Variants in PDE3B observed in about 807,000 individuals in gnomAD.
PDE3B encodes the protein cGMP-inhibited 3',5'-cyclic phosphodiesterase 3B.
In PDE3B, 66 loss-of-function variants were observed where a neutral mutation model predicts 116.8. The observed-to-expected ratio is 0.56, with a 90% CI of 0.46 to 0.69. The LOEUF (loss-of-function observed/expected upper bound fraction) is 0.69, where lower values mean the gene tolerates loss of function less well. Among genes scored for constraint, PDE3B ranks in the 30% least tolerant of loss-of-function variants. PDE3B has a pLI of 0.00. For synonymous variants in PDE3B, 595 were observed against 533.6 expected (o/e 1.12, Z -1.59); for missense variants, 1,384 against 1,368.1 (o/e 1.01, Z -0.18).
intron 14 of PDE3B, among the ~76,000 whole-genome samples, chr11:14,867,064 TAAAA>T (rs76676439): frequency 7.3e-6 from 1 of 137,058 alleles, no homozygotes. Context: ...GTTCTGCTGT[TAAAA>T]AAAAAAAAAA....
chr11:14,664,787 C>G (rs1275481118), intron 1 of PDE3B, among the ~76,000 whole-genome samples: 1 of 152,114 alleles, frequency 6.6e-6, no homozygotes, highest in Non-Finnish European at 1.5e-5. Context: ...AGCTTACCAA[C>G]CAAAAAGAGT....
rs577871757 is a variant in PDE3B, at chr11:14,652,199, G to A, written c.978+7146G>A. Among the ~76,000 whole-genome samples the A allele has an allele frequency of 2.0e-4, 31 of 152,066 alleles. No individual in the cohort carries two copies. The South Asian group carries it at 6.2e-3, about 30-fold the overall frequency. ...GTCCAACTTTATTCTTTTGCCTGTG[G>A]ATGTTACATTTTTCTAAGACCATTT... On this transcript the variant is annotated intron_variant, in intron 1 of 15. Transcript: ENST00000282096.
intron 11 of PDE3B, among the ~76,000 whole-genome samples, chr11:14,836,617 C>T (rs1860064127): frequency 6.6e-6 from 1 of 152,152 alleles, no homozygotes; most frequent in African/African-American, 2.4e-5. Context: ...TAATAAGTTA[C>T]CAGAAATTTA....
intron 1 of PDE3B, among the ~76,000 whole-genome samples, chr11:14,692,094 C>T (rs1590065818): frequency 6.6e-6 from 1 of 151,900 alleles, no homozygotes; most frequent in East Asian, 1.9e-4. Flanking sequence ...ATGCTGAGAC[C>T]CCCATCTCTA....
chr11:14,753,323 G>A (rs1048743474), intron 1 of PDE3B, among the ~76,000 whole-genome samples: 1 of 152,122 alleles, frequency 6.6e-6, no homozygotes, highest in Non-Finnish European at 1.5e-5. Flanking sequence ...TAATAAAAGA[G>A]ATGGAGATGT....
chr11:14,705,825 T>A (rs1349253598), intron 1 of PDE3B, among the ~76,000 whole-genome samples: 2 of 151,938 alleles, frequency 1.3e-5, no homozygotes, highest in East Asian at 1.9e-4. Flanking sequence ...TTTAATTGAA[T>A]ATTGATATAG....
chr11:14,739,450 C>T (rs557836865), intron 1 of PDE3B, among the ~76,000 whole-genome samples: 1 of 152,210 alleles, frequency 6.6e-6, no homozygotes, highest in African/African-American at 2.4e-5. Context: ...TGCACACTGA[C>T]TTTGTATCCT....
intron 1 of PDE3B, among the ~76,000 whole-genome samples, chr11:14,677,047 G>A (rs541656193): frequency 9.1e-4 from 138 of 152,168 alleles, no homozygotes; most frequent in African/African-American, 3.2e-3. Flanking sequence ...GCACTGTTTT[G>A]TTGAAAAGAC....
chr11:14,766,318 GT>G (rs113445874), intron 1 of PDE3B, among the ~76,000 whole-genome samples: 4 of 151,416 alleles, frequency 2.6e-5, no homozygotes, highest in African/African-American at 9.7e-5. Context: ...GTCAGCAGGG[GT>G]TTTTTGGCTG....
At chr11:14,873,754 C>G (rs1408486127), downstream of PDE3B, among the ~76,000 whole-genome samples, 1 of 152,200 alleles carries the variant, frequency 6.6e-6, no homozygotes, top group African/African-American at 2.4e-5. Context: ...GAGTATCAAG[C>G]TTTCCTTTTC....
chr11:14,734,780 TCTC>T (rs1160610885), intron 1 of PDE3B, among the ~76,000 whole-genome samples: 2 of 152,156 alleles, frequency 1.3e-5, no homozygotes, highest in African/African-American at 4.8e-5. Context: ...TTTTGCTATA[TCTC>T]CTCTTTTTTT....
chr11:14,705,385 C>A (rs984183755), intron 1 of PDE3B, among the ~76,000 whole-genome samples: 2 of 151,678 alleles, frequency 1.3e-5, no homozygotes, highest in African/African-American at 2.4e-5. Context: ...ATGGAGGAAG[C>A]CACATACAAT....
At chr11:14,741,763 A>G (rs1460236369) in intron 1 of PDE3B, among the ~76,000 whole-genome samples, 3 of 151,790 alleles carry the variant, frequency 2.0e-5, no homozygotes, top group African/African-American at 2.4e-5. Flanking sequence ...TTCCTTTAGG[A>G]GCTCTTGTAA....
At position 14,644,775 on chromosome 11, in the gene PDE3B, T is replaced by G. The variant is rs575736423; in HGVS notation, c.700T>G (p.Phe234Val). Reference sequence around the variant, plus strand: ...GGCCAGCTTCGTCTGGTGGGTCTCCTTCACCAGCCTCGGGTCGCTGCCCTC... The same window carrying G: ...GGCCAGCTTCGTCTGGTGGGTCTCCGTCACCAGCCTCGGGTCGCTGCCCTC... ...LLASFVWWVSFTSLGSLPSAL... is the reference protein window; with the variant it reads ...LLASFVWWVSVTSLGSLPSAL... The change falls in exon 1 of 16, where the codon TTC becomes GTC. Residue 234 changes from phenylalanine to valine, a missense_variant. Physicochemically the swap from Phe to Val is conservative, Grantham distance 50. Coordinates refer to ENST00000282096, the MANE Select transcript of PDE3B (RefSeq NM_000922.4). 2 of 1,607,148 alleles carry G rather than the reference T, an allele frequency of 1.2e-6. No homozygotes were observed. Among genetic ancestry groups the G allele is most frequent in the South Asian group, 2.2e-5 (2 of 90,284 alleles).
intron 4 of PDE3B, among the ~76,000 whole-genome samples, chr11:14,793,790 C>A (rs1394059238): frequency 6.6e-6 from 1 of 152,162 alleles, no homozygotes; most frequent in Non-Finnish European, 1.5e-5. Context: ...GTAATGAAAT[C>A]TAATAACTCG....
intron 5 of PDE3B, among the ~76,000 whole-genome samples, chr11:14,817,926 C>T (rs1266894314): frequency 6.6e-6 from 1 of 152,136 alleles, no homozygotes; most frequent in Non-Finnish European, 1.5e-5. Context: ...ATACTGTTCA[C>T]ATTTACCTAT....
intron 10 of PDE3B, among the ~76,000 whole-genome samples, chr11:14,833,461 A>G (rs1219562377): frequency 6.6e-6 from 1 of 152,184 alleles, no homozygotes; most frequent in African/African-American, 2.4e-5. Context: ...TATACAGTAT[A>G]CATCTTTCTA....
intron 1 of PDE3B, among the ~76,000 whole-genome samples, chr11:14,765,644 A>G (rs898209596): frequency 6.6e-6 from 1 of 151,658 alleles, no homozygotes; most frequent in Non-Finnish European, 1.5e-5. Flanking sequence ...ATTGTATTAT[A>G]TATTAGCACA....
chr11:14,830,503 C>G (rs1371410654), intron 7 of PDE3B, among the ~76,000 whole-genome samples, 195 bp from the exon 8 acceptor site: 1 of 151,972 alleles, frequency 6.6e-6, no homozygotes, highest in African/African-American at 2.4e-5. Context: ...CAGGAAGTGT[C>G]TTTGTTGCCT....
Sources: gnomAD v4.1 joint callset for allele counts (sites outside exome capture counted in the v4.1 genomes callset) on GRCh38, gnomAD v4.1.1 for gene constraint, MANE v1.5 for transcripts, NCBI Gene and HGNC (gene_info 2026-07-23, HGNC 2026-07-21) for gene names.